TMEM117: variants seen among roughly 807,000 people sequenced by gnomAD.
TMEM117 encodes transmembrane protein 117.
A neutral mutation model predicts 52.4 loss-of-function variants in TMEM117; 27 were observed. That is an observed-to-expected ratio of 0.51 (90% CI 0.38 to 0.71). The LOEUF (loss-of-function observed/expected upper bound fraction) is 0.71. Ranked by LOEUF, TMEM117 falls within the 30% of genes least tolerant of loss-of-function variation. The pLI is 0.00. For missense variants in TMEM117, 556 were observed against 630.5 expected (o/e 0.88, Z 1.26); for synonymous variants, 215 against 206.3 (o/e 1.04, Z -0.36).
intron 6 of TMEM117, among the ~76,000 whole-genome samples, chr12:44,361,946 C>T (rs1951726859): frequency 6.6e-6 from 1 of 152,116 alleles, no homozygotes; most frequent in Non-Finnish European, 1.5e-5. Context: ...CATGGGTTTT[C>T]ATTCACCATT....
At chr12:43,849,600 T>C (rs1314262013) in intron 2 of TMEM117, among the ~76,000 whole-genome samples, 2 of 152,130 alleles carry the variant, frequency 1.3e-5, no homozygotes, top group Non-Finnish European at 2.9e-5. Context: ...TACAAATTAT[T>C]TTAAAATAAT....
chr12:44,295,738 C>G (rs1351697294), intron 5 of TMEM117, among the ~76,000 whole-genome samples: 1 of 148,466 alleles, frequency 6.7e-6, no homozygotes, highest in Middle Eastern at 3.2e-3. Flanking sequence ...CATTGTTTTT[C>G]TGATTTCATT....
At chr12:44,048,929 ATATAAC>A (rs1287307669) in intron 3 of TMEM117, among the ~76,000 whole-genome samples, 1 of 152,228 alleles carries the variant, frequency 6.6e-6, no homozygotes, top group East Asian at 1.9e-4. Flanking sequence ...TTTTGTCATT[ATATAAC>A]TATAATTCTC....
chr12:44,392,848 G>A (rs1001970978), downstream of TMEM117, among the ~76,000 whole-genome samples: 3 of 151,954 alleles, frequency 2.0e-5, no homozygotes, highest in African/African-American at 7.3e-5. Context: ...GGGGAGAAGT[G>A]TTACTGTGAA....
chr12:44,013,982 A>G (rs1057010519), intron 3 of TMEM117, among the ~76,000 whole-genome samples: 3 of 152,200 alleles, frequency 2.0e-5, no homozygotes, highest in Admixed American at 6.5e-5. Flanking sequence ...AAGTTGAAAA[A>G]GGGTTTGAAA....
intron 3 of TMEM117, 105 bp from the exon 4 acceptor site, chr12:44,143,420 G>A: frequency 1.3e-6 from 1 of 745,850 alleles, no homozygotes; most frequent in Non-Finnish European, 2.2e-6. Flanking sequence ...GAGCCAGACA[G>A]CTTGCTGAGA....
chr12:43,912,417 C>T (rs1470173515), intron 2 of TMEM117, among the ~76,000 whole-genome samples: 1 of 150,914 alleles, frequency 6.6e-6, no homozygotes, highest in Non-Finnish European at 1.5e-5. Context: ...TTAGTGGGTG[C>T]AGTGCACCAG....
chr12:43,889,569 A>C, intron 2 of TMEM117, among the ~76,000 whole-genome samples: 1 of 152,236 alleles, frequency 6.6e-6, no homozygotes, highest in East Asian at 1.9e-4. Context: ...GACCTGTACC[A>C]GTCTGCGACC....
the TMEM117 span, among the ~76,000 whole-genome samples, chr12:43,813,140 A>G: frequency 6.7e-6 from 1 of 150,272 alleles, no homozygotes; most frequent in Non-Finnish European, 1.5e-5. Context: ...CCATGGGTCC[A>G]TCCCACTTGC....
chr12:44,384,413 C>A (rs1015225508), intron 7 of TMEM117, among the ~76,000 whole-genome samples: 1 of 152,092 alleles, frequency 6.6e-6, no homozygotes, highest in South Asian at 2.1e-4. Flanking sequence ...TTCCCCTCTG[C>A]ACTTCCCCAC....
intron 2 of TMEM117, among the ~76,000 whole-genome samples, chr12:43,884,726 A>AAAGCAGAT (rs745508626): frequency 5.3e-5 from 8 of 152,218 alleles, no homozygotes; most frequent in Non-Finnish European, 1.0e-4. Flanking sequence ...GCCAAAAGAA[A>AAAGCAGAT]AAGCAGATAA....
chr12:44,369,995 A>T (rs987768189), intron 6 of TMEM117, among the ~76,000 whole-genome samples: 1 of 152,192 alleles, frequency 6.6e-6, no homozygotes, highest in East Asian at 1.9e-4. Context: ...TCATCCTTCA[A>T]ATTTATGGCA....
chr12:43,895,447 A>T (rs1731447), intron 2 of TMEM117, among the ~76,000 whole-genome samples: 117,954 of 152,146 alleles, frequency 0.78, 48,496 homozygotes, highest in Non-Finnish European at 0.9. Context: ...TGAATAGTGC[A>T]GCAATGAACA....
intron 5 of TMEM117, among the ~76,000 whole-genome samples, chr12:44,252,533 A>G (rs1950208234): frequency 6.6e-6 from 1 of 152,100 alleles, no homozygotes; most frequent in African/African-American, 2.4e-5. Context: ...AACAAAAAAC[A>G]AAAAGCAAAG....
chr12:44,045,598 C>T (rs193087371), intron 3 of TMEM117, among the ~76,000 whole-genome samples: 32 of 152,214 alleles, frequency 2.1e-4, no homozygotes, highest in African/African-American at 7.2e-4. Flanking sequence ...AATCTCAGGA[C>T]TTTGGGAGGC....
At chr12:43,822,250 C>T in the TMEM117 span, among the ~76,000 whole-genome samples, 1 of 152,226 alleles carries the variant, frequency 6.6e-6, no homozygotes, top group African/African-American at 2.4e-5. Flanking sequence ...AATTACCCAA[C>T]ATCCACATTA....
At chr12:44,193,112 TTAAGAA>T (rs1159294117) in intron 4 of TMEM117, among the ~76,000 whole-genome samples, 1 of 152,182 alleles carries the variant, frequency 6.6e-6, no homozygotes, top group Non-Finnish European at 1.5e-5. Flanking sequence ...TTTCTGGACT[TTAAGAA>T]TATCTTTCTA....
chr12:43,987,488 A>G (rs956106112), intron 3 of TMEM117, among the ~76,000 whole-genome samples: 1 of 149,996 alleles, frequency 6.7e-6, no homozygotes, highest in African/African-American at 2.4e-5. Flanking sequence ...TATGATACTC[A>G]CATTGTCTTG....
chr12:44,311,969 ATCC>A (rs1365550365), intron 6 of TMEM117, among the ~76,000 whole-genome samples: 1 of 150,188 alleles, frequency 6.7e-6, no homozygotes, highest in African/African-American at 2.4e-5. Context: ...GGCCAGGTCA[ATCC>A]TCCTCTTTAC....
Sources: allele counts gnomAD v4.1 joint callset (sites outside exome capture counted in the v4.1 genomes callset), GRCh38; gene constraint gnomAD v4.1.1; transcripts MANE v1.5; gene names NCBI Gene and HGNC (gene_info 2026-07-23, HGNC 2026-07-21).